The following CDK13 variants were observed in gnomAD, a reference collection of about 807,000 sequenced individuals.
CDK13 encodes the protein cyclin-dependent kinase 13.
CDK13 carries 40 observed loss-of-function variants against 137.6 expected under a neutral mutation model. The ratio of observed to expected loss-of-function variants is 0.29; its 90% CI spans 0.23 to 0.38. The LOEUF is 0.38. CDK13 is among the 10% of genes least tolerant of loss of function. The probability of loss-of-function intolerance (pLI) is 1.00; values close to 1 mark genes in which losing one functional copy is unlikely to be tolerated. For synonymous variants in CDK13, 869 were observed against 760.1 expected (o/e 1.14, Z -2.36); for missense variants, 1,704 against 1,951.8 (o/e 0.87, Z 2.39).
intron 5 of CDK13, among the ~76,000 whole-genome samples, chr7:40,044,405 G>T (rs550333016): frequency 6.6e-6 from 1 of 150,668 alleles, no homozygotes; most frequent in African/African-American, 2.4e-5. Context: ...TGCAACCTCT[G>T]CCTCCTGGGC....
At chr7:39,980,808 C>A (rs189611502) in intron 1 of CDK13, among the ~76,000 whole-genome samples, 1 of 152,278 alleles carries the variant, frequency 6.6e-6, no homozygotes, top group East Asian at 1.9e-4. Context: ...CCTGGAGAAA[C>A]TGTGAGATAA....
intron 5 of CDK13, among the ~76,000 whole-genome samples, chr7:40,009,924 G>A (rs1324829952): frequency 3.9e-5 from 6 of 152,138 alleles, no homozygotes; most frequent in Non-Finnish European, 7.3e-5. Context: ...AAGTAAAACT[G>A]TCTTTAGTTT....
chr7:40,042,605 A>C (rs990392960), intron 5 of CDK13, among the ~76,000 whole-genome samples: 1 of 148,554 alleles, frequency 6.7e-6, no homozygotes, highest in African/African-American at 2.5e-5. Context: ...CAGCCTCCCA[A>C]GTAGCTGGGA....
intron 1 of CDK13, among the ~76,000 whole-genome samples, chr7:39,957,988 T>A (rs565419500): frequency 6.6e-6 from 1 of 152,322 alleles, no homozygotes; most frequent in Admixed American, 6.5e-5. Flanking sequence ...AGCTTTGAAG[T>A]GGGTGTTGGA....
chr7:40,071,181 T>G (rs576115861), intron 9 of CDK13: 34 of 152,338 alleles, frequency 2.2e-4, no homozygotes, highest in African/African-American at 7.9e-4. Context: ...GAGTTGTGCT[T>G]CTCAAACTTT....
Position 39,987,992 on chromosome 7 carries a change from C to G in CDK13, c.1605C>G (p.Asp535Glu). The G allele has an allele frequency of 1.2e-6, 2 of 1,613,800 alleles. No homozygotes were observed. Among genetic ancestry groups the G allele is most frequent in the Non-Finnish European group, 1.7e-6 (2 of 1,179,876 alleles). ...CAAGTGGTGGAACTTTAAAAAATGACAAAGCAAAAACAAAGCCACCTCTTC... is the reference window on the plus strand; with the variant it reads ...CAAGTGGTGGAACTTTAAAAAATGAGAAAGCAAAAACAAAGCCACCTCTTC... ...SPSSGGTLKN[D>E]KAKTKPPLQV... is the part of the protein sequence containing the mutation. Residue 535 changes from aspartate (D) to glutamate (E), a missense_variant, in exon 2 of 14, where the codon GAC becomes GAG. Coordinates refer to ENST00000181839, the MANE Select transcript of CDK13 (RefSeq NM_003718.5).
chr7:40,026,586 C>T (rs1785248892), intron 5 of CDK13, among the ~76,000 whole-genome samples: 2 of 152,154 alleles, frequency 1.3e-5, no homozygotes, highest in South Asian at 4.1e-4. Flanking sequence ...CTTAAATAAC[C>T]TCATAAATAA....
At chr7:40,063,215 G>C (rs1376968866) in intron 9 of CDK13, 115 bp downstream of exon 9, 2 of 719,132 alleles carry the variant, frequency 2.8e-6, no homozygotes, top group African/African-American at 3.6e-5. Context: ...TCTCTGGAGG[G>C]CTTATGACTG....
Position 40,094,595 on chromosome 7 carries a change from C to T in CDK13, c.4154C>T (p.Ser1385Phe). 1 of 1,613,618 alleles carries T rather than the reference C, an allele frequency of 6.2e-7. No individual in the cohort carries two copies. Among genetic ancestry groups the T allele is most frequent in the Non-Finnish European group, 8.5e-7 (1 of 1,179,780 alleles). Residue 1385 changes from serine to phenylalanine, a missense_variant, in exon 14 of 14, where the codon TCT (serine) becomes TTT (phenylalanine). By Grantham distance (155) the Ser-to-Phe change is radical. Coordinates refer to ENST00000181839, the MANE Select transcript of CDK13 (RefSeq NM_003718.5). ...QSLDNYSTAS[S>F]HSGGPPQPSA... ...TTGGATAACTACAGTACTGCTTCAT[C>T]TCATTCTGGTGGTCCACCTCAGCCT... is the stretch of plus-strand genomic sequence containing the variant.
At chr7:39,959,612 A>C (rs1227665461) in intron 1 of CDK13, among the ~76,000 whole-genome samples, 3 of 151,932 alleles carry the variant, frequency 2.0e-5, no homozygotes, top group Non-Finnish European at 4.4e-5. Flanking sequence ...TCGCAGATGC[A>C]TGCCAGCATG....
At chr7:40,020,068 C>T (rs1691856792) in intron 5 of CDK13, among the ~76,000 whole-genome samples, 1 of 151,858 alleles carries the variant, frequency 6.6e-6, no homozygotes, top group Non-Finnish European at 1.5e-5. Flanking sequence ...AAACTTTCAA[C>T]TTTATTTTAT....
chr7:40,052,245 C>T (rs576787811), intron 7 of CDK13, among the ~76,000 whole-genome samples: 204 of 151,790 alleles, frequency 1.3e-3, no homozygotes, highest in African/African-American at 4.8e-3. Flanking sequence ...GGTGTGATCT[C>T]GGCTCACTGC....
intron 9 of CDK13, chr7:40,068,100 A>AG (rs1554336040): frequency 1.3e-5 from 2 of 151,746 alleles, no homozygotes; most frequent in Non-Finnish European, 2.9e-5. Context: ...AAAAAAAAAA[A>AG]AAAGAAAAAT....
rs17538251 is a variant in CDK13, at chr7:40,088,818, G to A, written c.3235+487G>A. ...ATTGGGGCCAGGCATGCTGGCTCACGCCTGTAATCCTAGCACTTTGGGAGA... is the reference window on the plus strand; with the variant it reads ...ATTGGGGCCAGGCATGCTGGCTCACACCTGTAATCCTAGCACTTTGGGAGA... On this transcript the variant is annotated intron_variant, in intron 12 of 13. Coordinates refer to ENST00000181839, the MANE Select transcript of CDK13 (RefSeq NM_003718.5). 8.5e-3 allele frequency among the ~76,000 whole-genome samples: 1,293 copies of A among 151,362 alleles called. 8 individuals are homozygous for A. The highest frequency in any genetic ancestry group is 0.016 in the South Asian group (78 of 4,758).
intron 11 of CDK13, among the ~76,000 whole-genome samples, chr7:40,085,371 A>G (rs570405945): frequency 1.3e-5 from 2 of 151,636 alleles, no homozygotes; most frequent in East Asian, 3.9e-4. Context: ...TCCATCTCAA[A>G]AAAAAAAAAA....
intron 5 of CDK13, among the ~76,000 whole-genome samples, chr7:40,032,386 TA>T (rs768051152): frequency 1.3e-5 from 2 of 152,210 alleles, no homozygotes; most frequent in Non-Finnish European, 2.9e-5. Context: ...GCAGAAGTTT[TA>T]AATTTTAACG....
rs141578100 is a variant in CDK13, at chr7:39,960,324, C to T, written c.1211+8472C>T. Reference sequence around the variant, plus strand: ...GCAGTGGCACGCAGTGTCATGATCTCGGCTCACTGCAAGCTCCGCTTCCCA... The same window carrying T: ...GCAGTGGCACGCAGTGTCATGATCTTGGCTCACTGCAAGCTCCGCTTCCCA... On this transcript the variant is annotated intron_variant, in intron 1 of 13. Transcript: ENST00000181839. Among the ~76,000 whole-genome samples, 23 of 151,262 alleles carry T rather than the reference C, an allele frequency of 1.5e-4. 1 individual carries two copies. In the East Asian group the frequency reaches 4.5e-3, roughly 30 times the overall value.
chr7:40,069,389 T>C (rs780769789), intron 9 of CDK13: 6 of 442,526 alleles, frequency 1.4e-5, no homozygotes, highest in Admixed American at 2.5e-5. Flanking sequence ...GTGTGGCCTT[T>C]AGAATCTTAC....
At chr7:39,985,091 C>G (rs1784308818) in intron 1 of CDK13, 2 of 151,656 alleles carry the variant, frequency 1.3e-5, no homozygotes, top group Non-Finnish European at 2.9e-5. Flanking sequence ...TTTTTGTGCC[C>G]ATTAACCCTC....
Sources: allele counts gnomAD v4.1 joint callset (sites outside exome capture counted in the v4.1 genomes callset), GRCh38; gene constraint gnomAD v4.1.1; transcripts MANE v1.5; gene names NCBI Gene and HGNC (gene_info 2026-07-23, HGNC 2026-07-21).